Variants in POLR3E observed in about 807,000 individuals in gnomAD.
POLR3E encodes the protein RNA polymerase III subunit E.
POLR3E carries 41 observed loss-of-function variants against 96.6 expected under a neutral mutation model. That is an observed-to-expected ratio of 0.42 (90% confidence interval 0.33 to 0.55). The LOEUF (loss-of-function observed/expected upper bound fraction) is 0.55, where lower values mean the gene tolerates loss of function less well. Among genes scored for constraint, POLR3E ranks in the 20% least tolerant of loss-of-function variants. The probability of loss-of-function intolerance (pLI) is 0.06; values close to 1 mark genes in which losing one functional copy is unlikely to be tolerated. For synonymous variants in POLR3E, 396 were observed against 383.6 expected, an observed-to-expected ratio of 1.03 and a Z score of -0.38; for missense variants, 849 against 952.1, an observed-to-expected ratio of 0.89 and a Z score of 1.43.
At chr16:22,331,986 T>C (rs2048750270) in intron 19 of POLR3E, 74 bp from the exon 20 acceptor site, 1 of 1,493,070 alleles carries the variant, frequency 6.7e-7, no homozygotes, top group African/African-American at 1.4e-5. Context: ...GGTGCATGGC[T>C]TGGGTGTCTT....
chr16:22,328,459 G>A (rs773083768), intron 18 of POLR3E, 51 bp from the exon 19 acceptor site: 9 of 1,489,192 alleles, frequency 6.0e-6, no homozygotes, highest in Admixed American at 1.7e-5. Context: ...GCAAGCAAAT[G>A]GATCCATGGG....
Position 22,316,646 on chromosome 16 carries a change from T to A in POLR3E, c.688T>A (p.Ser230Thr). The change falls in exon 10 of 21, where the codon TCA (serine) becomes ACA (threonine). Residue 230 changes from serine to threonine, a missense_variant. By Grantham distance (58) the Ser-to-Thr change is moderately conservative (BLOSUM62 1). Transcript: ENST00000299853. ...HERQYLLCPG[S>T]SGVENTELVK... ...GCGTCAGTACCTGCTGTGCCCCGGC[T>A]CAAGCGGGGTGGAGAACACGGAGCT... The A allele has an allele frequency of 6.2e-7, 1 of 1,614,042 alleles. No individual in the cohort carries two copies. Among genetic ancestry groups the A allele is most frequent in the Non-Finnish European group, 8.5e-7 (1 of 1,179,976 alleles).
chr16:22,314,385 C>G lies in POLR3E; in HGVS notation c.522+257C>G, dbSNP rs529193815. 2.0e-5 allele frequency among the ~76,000 whole-genome samples: 3 copies of G among 152,228 alleles called. No individual in the cohort carries two copies. The East Asian group carries it at 5.8e-4, about 29-fold the overall frequency. On this transcript the variant is annotated intron_variant, in intron 8 of 20. Coordinates refer to ENST00000299853, the MANE Select transcript of POLR3E (RefSeq NM_018119.4). ...GGAGCAGGAAGCTGGGGCCAGGAGCCCTGAGGACCCGCAGACCAGCTCTGC... is the reference window on the plus strand; with the variant it reads ...GGAGCAGGAAGCTGGGGCCAGGAGCGCTGAGGACCCGCAGACCAGCTCTGC...
chr16:22,319,011 G>A lies in POLR3E; in HGVS notation c.986+65G>A, dbSNP rs1448428615. 8 of 1,279,422 alleles carry A rather than the reference G, an allele frequency of 6.3e-6. No individual in the cohort carries two copies. In the East Asian group the frequency reaches 7.8e-5, roughly 12 times the overall value. The allele number at this position is 1,279,422 out of a possible 1,614,324, so 79.3% of individuals were successfully genotyped here. The stretch of plus-strand genomic sequence containing the variant: ...TTCCTTGAGGCAGAGCTTCACTCTT[G>A]TTGCCCAGGCTGGTGTGTAGTGGCG... On this transcript the variant is annotated intron_variant, in intron 13 of 20. Transcript: ENST00000299853.
chr16:22,316,445 G>GC (rs2048356841), intron 9 of POLR3E, among the ~76,000 whole-genome samples, 156 bp from the exon 10 acceptor site: 13 of 152,336 alleles, frequency 8.5e-5, no homozygotes, highest in Admixed American at 7.2e-4. Flanking sequence ...AAGATGAGTG[G>GC]CTGAGGCCAC....
intron 13 of POLR3E, among the ~76,000 whole-genome samples, chr16:22,321,617 G>A (rs527896931): frequency 6.6e-6 from 1 of 152,232 alleles, no homozygotes; most frequent in Non-Finnish European, 1.5e-5. Context: ...GCCCAGAGAG[G>A]CATGGGACTT....
chr16:22,324,466 G>A lies in POLR3E; in HGVS notation c.1129-37G>A, dbSNP rs749430982. The A allele has an allele frequency of 1.2e-5, 19 of 1,610,396 alleles. No individual in the cohort carries two copies. The African/African-American group carries it at 1.2e-4, about 10-fold the overall frequency. On this transcript the variant is annotated intron_variant, in intron 15 of 20. Coordinates refer to ENST00000299853, the MANE Select transcript of POLR3E (RefSeq NM_018119.4). The stretch of plus-strand genomic sequence containing the variant: ...CCAGGCTGCTGCTGGAGGGGAGGGG[G>A]CTGGCTGTGCCTCACGCTGGGCCCC...
intron 13 of POLR3E, among the ~76,000 whole-genome samples, chr16:22,321,413 G>A (rs2048469196): frequency 2.0e-5 from 3 of 152,188 alleles, no homozygotes; most frequent in Admixed American, 2.0e-4. Flanking sequence ...ACCTGGTGGC[G>A]CCCTTGCACT....
intron 19 of POLR3E, chr16:22,328,805 G>A (rs2048668385): frequency 3.8e-6 from 2 of 531,716 alleles, no homozygotes; most frequent in Non-Finnish European, 6.9e-6. Context: ...ATGCCAGTCT[G>A]TGAGCCAGCT....
rs2048671789 is a variant in POLR3E, at chr16:22,328,919, A to G, written c.1944+332A>G. On this transcript the variant is annotated intron_variant, in intron 19 of 20. Transcript: ENST00000299853. Reference sequence around the variant, plus strand: ...GGTGGGTGGATCACCTGAGGTTGGGAGTTTGACACCAGCCTGACCAATATG... The same window carrying G: ...GGTGGGTGGATCACCTGAGGTTGGGGGTTTGACACCAGCCTGACCAATATG... The G allele has an allele frequency of 3.2e-5, 10 of 314,028 alleles. No homozygotes were observed. The Admixed American group carries it at 3.8e-4, about 12-fold the overall frequency. The allele number at this position is 314,028 out of a possible 1,614,324, so 19.5% of individuals were successfully genotyped here.
chr16:22,328,515 C>T lies in POLR3E; in HGVS notation c.1872C>T (p.Pro624=). The stretch of plus-strand genomic sequence containing the variant: ...CACCCCTGGGCCTTGGTCAGTTTCC[C>T]CCCCAGACTGCTGCTTCCCCGGATG... ...AGCKQILVPF[P]PQTAASPDEQ... is the part of the protein sequence containing the mutation. Residue 624 remains proline, a synonymous_variant, in exon 19 of 21, where the codon CCC becomes CCT. Coordinates refer to ENST00000299853, the MANE Select transcript of POLR3E (RefSeq NM_018119.4). The T allele has an allele frequency of 6.2e-7, 1 of 1,613,944 alleles. No homozygotes were observed. Among genetic ancestry groups the T allele is most frequent in the Non-Finnish European group, 8.5e-7 (1 of 1,179,860 alleles).
chr16:22,298,597 T>G (rs947558237), intron 1 of POLR3E, among the ~76,000 whole-genome samples: 3 of 152,114 alleles, frequency 2.0e-5, no homozygotes, highest in East Asian at 1.9e-4. Flanking sequence ...GGGTCCAAGC[T>G]CTTACCCACT....
At chr16:22,330,162 C>A (rs1030464516) in intron 19 of POLR3E, among the ~76,000 whole-genome samples, 1 of 151,790 alleles carries the variant, frequency 6.6e-6, no homozygotes, top group Non-Finnish European at 1.5e-5. Flanking sequence ...CTCTTGCGTT[C>A]AAGCGATTCT....
chr16:22,304,658 C>T (rs1006316422), intron 2 of POLR3E, among the ~76,000 whole-genome samples: 1 of 150,186 alleles, frequency 6.7e-6, no homozygotes, highest in Admixed American at 6.6e-5. Context: ...TAAACTGCTG[C>T]GTGGCGGGGT....
intron 1 of POLR3E, chr16:22,299,115 C>T (rs761681544): frequency 3.3e-5 from 15 of 449,496 alleles, no homozygotes; most frequent in Non-Finnish European, 5.8e-5. Flanking sequence ...CTGGGGGAGG[C>T]TTTTAAAATA....
intron 13 of POLR3E, among the ~76,000 whole-genome samples, chr16:22,321,910 A>G (rs2048478591): frequency 6.6e-6 from 1 of 152,142 alleles, no homozygotes; most frequent in Non-Finnish European, 1.5e-5. Flanking sequence ...TGCAAAATCC[A>G]TGCCTCCATT....
chr16:22,326,241 C>T lies in POLR3E; in HGVS notation c.1829C>T (p.Thr610Met), dbSNP rs761005584. 18 of 1,610,268 alleles carry T rather than the reference C, an allele frequency of 1.1e-5. No individual in the cohort carries two copies. In the Middle Eastern group the frequency reaches 8.3e-4, roughly 74 times the overall value. The change falls in exon 18 of 21, where the codon ACG (threonine) becomes ATG (methionine). Residue 610 changes from threonine (T) to methionine (M), a missense_variant. Transcript: ENST00000299853. The part of the protein sequence containing the change: ...SGISDRMLQD[T>M]VLAAGCKQIL... Reference sequence around the variant, plus strand: ...ATCTCGGACCGCATGCTACAGGACACGGTGCTGGCCGCCGGTTGCAAGCAG... The same window carrying T: ...ATCTCGGACCGCATGCTACAGGACATGGTGCTGGCCGCCGGTTGCAAGCAG...
rs148649380 is a variant in POLR3E at position 22,328,526 on chromosome 16, C to T, written c.1883C>T (p.Ala628Val). The T allele has an allele frequency of 7.3e-5, 118 of 1,613,944 alleles. No individual in the cohort carries two copies. Among genetic ancestry groups the T allele is most frequent in the Non-Finnish European group, 9.6e-5 (113 of 1,179,932 alleles). The change falls in exon 19 of 21, where the codon GCT becomes GTT. Residue 628 changes from alanine (A) to valine (V), a missense_variant. Physicochemically the swap from Ala to Val is moderately conservative, Grantham distance 64. Coordinates refer to ENST00000299853, the MANE Select transcript of POLR3E (RefSeq NM_018119.4). ...CTTGGTCAGTTTCCCCCCCAGACTG[C>T]TGCTTCCCCGGATGAGCAGAAGGTG... is the stretch of plus-strand genomic sequence containing the variant. ...QILVPFPPQT[A>V]ASPDEQKVFA...
intron 6 of POLR3E, among the ~76,000 whole-genome samples, chr16:22,312,521 C>G (rs1234608079): frequency 6.6e-6 from 1 of 151,624 alleles, no homozygotes; most frequent in Non-Finnish European, 1.5e-5. Flanking sequence ...ATTAGTATGC[C>G]TTAAATGAGT....
Sources: gnomAD v4.1 joint callset for allele counts (sites outside exome capture counted in the v4.1 genomes callset) on GRCh38, gnomAD v4.1.1 for gene constraint, MANE v1.5 for transcripts, NCBI Gene and HGNC (gene_info 2026-07-23, HGNC 2026-07-21) for gene names.